Variants in PHF24 observed in about 807,000 individuals in gnomAD.
The protein encoded by PHF24 is Galpha inhibitory interacting protein.
PHF24 carries 25 observed loss-of-function variants against 42.6 expected under a neutral mutation model. The ratio of observed to expected loss-of-function variants is 0.59; its 90% CI spans 0.43 to 0.82. The LOEUF (loss-of-function observed/expected upper bound fraction) is 0.82, where lower values mean the gene tolerates loss of function less well. PHF24 is among the 40% of genes least tolerant of loss of function. The pLI is 0.00. For synonymous variants in PHF24, 185 were observed against 204.8 expected (o/e 0.90, Z 0.83); for missense variants, 470 against 538.1 (o/e 0.87, Z 1.25).
At chr9:34,746,302 T>A in the PHF24 span, among the ~76,000 whole-genome samples, 1 of 152,226 alleles carries the variant, frequency 6.6e-6, no homozygotes, top group Non-Finnish European at 1.5e-5. Flanking sequence ...GAATTGCCAG[T>A]GCCTCTAGCT....
the PHF24 span, among the ~76,000 whole-genome samples, chr9:34,796,093 G>T: frequency 6.7e-6 from 1 of 148,272 alleles, no homozygotes; most frequent in Non-Finnish European, 1.5e-5. Context: ...TTTGACAAAG[G>T]TACAAAATAA....
the PHF24 span, chr9:34,918,392 T>A: frequency 2.7e-5 from 17 of 622,068 alleles, no homozygotes; most frequent in Non-Finnish European, 5.0e-5. Flanking sequence ...ACTCGAAGGG[T>A]GAATACCAAG....
At chr9:34,867,778 G>A in the PHF24 span, among the ~76,000 whole-genome samples, 2 of 152,140 alleles carry the variant, frequency 1.3e-5, no homozygotes, top group Non-Finnish European at 2.9e-5. Flanking sequence ...TGTTAGGTAT[G>A]TGGCTTTTCA....
At chr9:34,809,175 A>T in the PHF24 span, among the ~76,000 whole-genome samples, 1 of 152,038 alleles carries the variant, frequency 6.6e-6, no homozygotes, top group Non-Finnish European at 1.5e-5. This position sits in a 1 kb window ranked among gnomAD's most constrained non-coding sequence, Gnocchi z 4.1. Flanking sequence ...ACAAGATGAG[A>T]TGAATTCTTT....
chr9:34,668,342 A>G, the PHF24 span, among the ~76,000 whole-genome samples: 1 of 152,188 alleles, frequency 6.6e-6, no homozygotes, highest in Non-Finnish European at 1.5e-5. Context: ...GCACTGATAC[A>G]TACAGGAACA....
chr9:34,920,718 C>A, the PHF24 span, among the ~76,000 whole-genome samples: 1 of 151,966 alleles, frequency 6.6e-6, no homozygotes, highest in East Asian at 1.9e-4. Flanking sequence ...TTTTTCACTT[C>A]TTTGGTTAAG....
the PHF24 span, among the ~76,000 whole-genome samples, chr9:34,818,118 T>A: frequency 1.3e-5 from 2 of 152,266 alleles, no homozygotes; most frequent in African/African-American, 4.8e-5. Flanking sequence ...GAGACAATAA[T>A]GTTGCTTGTG....
chr9:34,970,609 G>A (rs1826939611), intron 1 of PHF24, among the ~76,000 whole-genome samples: 1 of 152,194 alleles, frequency 6.6e-6, no homozygotes, highest in Admixed American at 6.5e-5. Flanking sequence ...CAGATGGATT[G>A]TTCATGGCAC....
chr9:34,972,067 C>T (rs562663149), intron 2 of PHF24, among the ~76,000 whole-genome samples: 3 of 152,184 alleles, frequency 2.0e-5, no homozygotes, highest in African/African-American at 4.8e-5. Flanking sequence ...GATAAATGTC[C>T]TGCAATGCCT....
chr9:34,691,069 C>G, the PHF24 span: 1 of 1,591,266 alleles, frequency 6.3e-7, no homozygotes, highest in Admixed American at 1.8e-5. Flanking sequence ...GCCTCTGACC[C>G]TGACTCTCCC....
the PHF24 span, among the ~76,000 whole-genome samples, chr9:34,907,640 G>T: frequency 6.6e-6 from 1 of 152,100 alleles, no homozygotes; most frequent in Non-Finnish European, 1.5e-5. Flanking sequence ...ATCGGTAAAA[G>T]GCTAGTGCTT....
At chr9:34,931,586 A>C in the PHF24 span, among the ~76,000 whole-genome samples, 1 of 152,004 alleles carries the variant, frequency 6.6e-6, no homozygotes, top group Non-Finnish European at 1.5e-5. Flanking sequence ...CAACAAAAAT[A>C]AAAAATAAAT....
chr9:34,696,239 A>G, the PHF24 span, among the ~76,000 whole-genome samples: 1 of 152,094 alleles, frequency 6.6e-6, no homozygotes, highest in Non-Finnish European at 1.5e-5. Flanking sequence ...TGTAATCCCA[A>G]CATTTTGGGA....
At chr9:34,694,159 CTTTTTT>C in the PHF24 span, among the ~76,000 whole-genome samples, 12 of 66,176 alleles carry the variant, frequency 1.8e-4, no homozygotes, top group African/African-American at 5.5e-4. Flanking sequence ...TATCTCTATT[CTTTTTT>C]TTTTTTTTTT....
chr9:34,836,981 A>T, the PHF24 span: 1 of 415,086 alleles, frequency 2.4e-6, no homozygotes, highest in African/African-American at 2.1e-5. Context: ...GCCATTTTCC[A>T]TCTCCTCAGT....
chr9:34,973,778 C>T (rs1367993232), intron 3 of PHF24, among the ~76,000 whole-genome samples: 1 of 152,188 alleles, frequency 6.6e-6, no homozygotes, highest in African/African-American at 2.4e-5. Flanking sequence ...GTCACCCCTT[C>T]CAAATGCCAT....
At chr9:34,681,863 A>G in the PHF24 span, among the ~76,000 whole-genome samples, 1 of 152,310 alleles carries the variant, frequency 6.6e-6, no homozygotes, top group Non-Finnish European at 1.5e-5. Context: ...ATCCGATAGG[A>G]GTATAGACTT....
chr9:34,709,553 G>C, the PHF24 span: 3 of 1,614,156 alleles, frequency 1.9e-6, no homozygotes, highest in South Asian at 3.3e-5. Context: ...AGGCCCCCCT[G>C]TCCTTCCTGC....
chr9:34,789,747 A>T, the PHF24 span, among the ~76,000 whole-genome samples: 1 of 152,094 alleles, frequency 6.6e-6, no homozygotes, highest in African/African-American at 2.4e-5. Flanking sequence ...AAAAGAAAAT[A>T]TCTATTTAGG....
Sources: allele counts gnomAD v4.1 joint callset (sites outside exome capture counted in the v4.1 genomes callset), GRCh38; gene constraint gnomAD v4.1.1; non-coding constraint Gnocchi (gnomAD v3.1); transcripts MANE v1.5; gene names NCBI Gene and HGNC (gene_info 2026-07-23, HGNC 2026-07-21).